The following DENND4A variants were observed in gnomAD, a reference collection of about 807,000 sequenced individuals.
The protein encoded by DENND4A is C-myc promoter-binding protein.
Under a neutral mutation model 199.3 loss-of-function variants are expected in DENND4A, and 70 were observed. That is an observed-to-expected ratio of 0.35 (90% CI 0.29 to 0.43). The LOEUF (loss-of-function observed/expected upper bound fraction) is 0.43, where lower values mean the gene tolerates loss of function less well. Among genes scored for constraint, DENND4A ranks in the 20% least tolerant of loss-of-function variants. The pLI, the probability that DENND4A is intolerant of heterozygous loss-of-function variation, is 1.00. For missense variants in DENND4A, 1,723 were observed against 2,255.8 expected, an observed-to-expected ratio of 0.76 and a Z score of 4.78; for synonymous variants, 686 against 766.9, an observed-to-expected ratio of 0.89 and a Z score of 1.74.
At chr15:65,752,257 C>G in intron 4 of DENND4A, 122 bp downstream of exon 4, 1 of 859,100 alleles carries the variant, frequency 1.2e-6, no homozygotes, top group South Asian at 4.2e-5. Context: ...TTTTTCAATT[C>G]TGTAATTAAA....
At chr15:65,738,967 A>G (rs2076180937) in intron 5 of DENND4A, 92 bp from the exon 6 acceptor site, 13 of 966,030 alleles carry the variant, frequency 1.3e-5, no homozygotes, top group Non-Finnish European at 1.9e-5. Context: ...TATTTCACAC[A>G]TTTGGAATGC....
At chr15:65,702,225 C>T (rs917990639) in intron 17 of DENND4A, 80 bp downstream of exon 17, 1 of 1,152,536 alleles carries the variant, frequency 8.7e-7, no homozygotes, top group Non-Finnish European at 1.3e-6. Context: ...GCCATGACTG[C>T]ATCACTGCAC....
intron 5 of DENND4A, among the ~76,000 whole-genome samples, chr15:65,741,427 G>T (rs1477678097): frequency 6.6e-6 from 1 of 152,078 alleles, no homozygotes; most frequent in Non-Finnish European, 1.5e-5. Flanking sequence ...AATTTAAAAT[G>T]AAAATACATT....
chr15:65,699,421 G>A (rs1244990321), intron 20 of DENND4A, among the ~76,000 whole-genome samples: 4 of 151,690 alleles, frequency 2.6e-5, no homozygotes, highest in African/African-American at 9.7e-5. Context: ...TTTTAAGTGT[G>A]TCAATTGTAA....
intron 14 of DENND4A, among the ~76,000 whole-genome samples, chr15:65,711,038 A>T (rs1321873008): frequency 6.6e-6 from 1 of 152,068 alleles, no homozygotes; most frequent in East Asian, 1.9e-4. Flanking sequence ...TCTTTTTTTT[A>T]TTAGTTCTCC....
chr15:65,705,963 C>T, intron 15 of DENND4A, 128 bp downstream of exon 15: 1 of 1,330,524 alleles, frequency 7.5e-7, no homozygotes, highest in Non-Finnish European at 9.7e-7. Context: ...GATAAGCTTG[C>T]TTACCACCTA....
Position 65,752,584 on chromosome 15 carries a change from A to G in DENND4A, c.356T>C (p.Ile119Thr). ...WKERLKQGCE[I>T]IQSTPYGRPA... ...GCGCCCATAGGGAGTACTCTGAATAATTTCACAACCCTGTTTCAATCTTTC... is the reference window on the plus strand; with the variant it reads ...GCGCCCATAGGGAGTACTCTGAATAGTTTCACAACCCTGTTTCAATCTTTC... The change falls in exon 4 of 33, where the codon ATT (isoleucine) becomes ACT (threonine). Residue 119 changes from isoleucine to threonine, a missense_variant. Physicochemically the swap from Ile to Thr is moderately conservative, Grantham distance 89. Transcript: ENST00000443035. 6.3e-7 allele frequency: 1 copy of G among 1,594,182 alleles called. No homozygotes were observed. Among genetic ancestry groups the G allele is most frequent in the Non-Finnish European group, 8.6e-7 (1 of 1,167,784 alleles).
Position 65,660,140 on chromosome 15 carries a change from T to C in DENND4A, c.*1711A>G. 3.3e-6 allele frequency: 2 copies of C among 605,246 alleles called. No individual in the cohort carries two copies. The highest frequency in any genetic ancestry group is 2.0e-5 in the South Asian group (1 of 49,180). The allele number at this position is 605,246 out of a possible 1,614,324, so 37.5% of individuals were successfully genotyped here. A position where few individuals can be genotyped will look rare whatever the true frequency, so the allele number is the denominator to read the frequency against. On this transcript the variant is annotated 3_prime_UTR_variant, in exon 33 of 33. Coordinates refer to ENST00000443035, the MANE Select transcript of DENND4A (RefSeq NM_001320835.1). ...GTAGAACATGAAGCTTGGATCTGAA[T>C]AGTAAAGAATAATATTGGAGTGGTA... is the stretch of plus-strand genomic sequence containing the variant.
chr15:65,758,169 C>G (rs1254000351), intron 2 of DENND4A, among the ~76,000 whole-genome samples: 2 of 152,076 alleles, frequency 1.3e-5, no homozygotes, highest in Admixed American at 1.3e-4. Flanking sequence ...ATATATCAAA[C>G]AGAAGAATTT....
At position 65,738,688 on chromosome 15, in the gene DENND4A, T is replaced by C. The variant is rs753172009; in HGVS notation, c.801+18A>G. The stretch of plus-strand genomic sequence containing the variant: ...TGTACAAGAAATTTGTAGATACAAT[T>C]TGTCAAACACATAATACCTTTTCAG... On this transcript the variant is annotated intron_variant, in intron 6 of 32. Coordinates refer to ENST00000443035, the MANE Select transcript of DENND4A (RefSeq NM_001320835.1). The C allele has an allele frequency of 8.4e-5, 133 of 1,580,146 alleles. No individual in the cohort carries two copies. Among genetic ancestry groups the C allele is most frequent in the Non-Finnish European group, 1.0e-4 (119 of 1,164,946 alleles).
At chr15:65,671,912 C>G in intron 24 of DENND4A, 26 bp from the exon 25 acceptor site, 1 of 1,336,668 alleles carries the variant, frequency 7.5e-7, no homozygotes, top group Non-Finnish European at 1.1e-6. Flanking sequence ...AAACAAAGAA[C>G]AGAAACCATT....
At chr15:65,718,320 C>G (rs1241125301) in intron 12 of DENND4A, among the ~76,000 whole-genome samples, 1 of 152,032 alleles carries the variant, frequency 6.6e-6, no homozygotes, top group South Asian at 2.1e-4. Context: ...TCAAGACTAG[C>G]CTGGGCAACA....
At chr15:65,666,854 G>GC (rs1302412671) in intron 29 of DENND4A, among the ~76,000 whole-genome samples, 1 of 151,378 alleles carries the variant, frequency 6.6e-6, no homozygotes, top group Non-Finnish European at 1.5e-5. Context: ...TCACAAATCT[G>GC]CTTCCTAAGA....
chr15:65,734,064 G>A (rs905396112), intron 7 of DENND4A, among the ~76,000 whole-genome samples: 3 of 152,124 alleles, frequency 2.0e-5, no homozygotes, highest in East Asian at 1.9e-4. Context: ...CCCCTAGCCC[G>A]ACACCTGTAA....
In DENND4A at chr15:65,700,664, C is replaced by G; in HGVS notation, c.2713G>C (p.Asp905His). Residue 905 changes from aspartate to histidine, a missense_variant, in exon 20 of 33, where the codon GAC becomes CAC. Physicochemically the swap from Asp to His is moderately conservative, Grantham distance 81. Transcript: ENST00000443035. ...CTGCCATGACTAACAGCATCCAGGT[C>G]ACTGCCATCTGCTTAAGAACACAAT... ...SQTTLSADGS[D>H]LDAVSHGSMD... The G allele has an allele frequency of 6.5e-7, 1 of 1,538,976 alleles. No individual in the cohort carries two copies. The highest frequency in any genetic ancestry group is 8.7e-7 in the Non-Finnish European group (1 of 1,142,970).
At chr15:65,682,967 C>T (rs899585458) in intron 23 of DENND4A, among the ~76,000 whole-genome samples, 6 of 152,076 alleles carry the variant, frequency 3.9e-5, no homozygotes, top group African/African-American at 1.4e-4. Context: ...AAAACTATTA[C>T]AATAATAACA....
rs1437833344 is a variant in DENND4A, at chr15:65,756,196, T to C, written c.255A>G (p.Pro85=). 1.2e-6 allele frequency: 2 copies of C among 1,611,542 alleles called. No individual in the cohort carries two copies. The highest frequency in any genetic ancestry group is 1.7e-6 in the Non-Finnish European group (2 of 1,178,662). ...CTCTTCTATAGCAAAGGTAAATCTG[T>C]GGCCCCACAAGACTTCCATTATTAA... ...ADLNNGSLVG[P]QIYLCYRRGR... Residue 85 remains proline, a synonymous_variant, in exon 3 of 33, where the codon CCA becomes CCG. Coordinates refer to ENST00000443035, the MANE Select transcript of DENND4A (RefSeq NM_001320835.1).
At chr15:65,776,966 G>A (rs916697911) in intron 1 of DENND4A, among the ~76,000 whole-genome samples, 5 of 152,166 alleles carry the variant, frequency 3.3e-5, no homozygotes, top group Non-Finnish European at 5.9e-5. Flanking sequence ...CCAGGAGTTC[G>A]AGGCCAGCCT....
chr15:65,770,337 T>C (rs927197632), intron 1 of DENND4A, among the ~76,000 whole-genome samples: 1 of 152,168 alleles, frequency 6.6e-6, no homozygotes, highest in African/African-American at 2.4e-5. Context: ...TGGCAGCCCT[T>C]CAAGGACATA....
Sources: allele counts gnomAD v4.1 joint callset (sites outside exome capture counted in the v4.1 genomes callset), GRCh38; gene constraint gnomAD v4.1.1; transcripts MANE v1.5; gene names NCBI Gene and HGNC (gene_info 2026-07-23, HGNC 2026-07-21).